Variants in ZNF37A observed in about 807,000 individuals in gnomAD.
The protein encoded by ZNF37A is zinc finger protein 37A.
In ZNF37A, 10 loss-of-function variants were observed where a neutral mutation model predicts 12.3. That is an observed-to-expected ratio of 0.82 (90% CI 0.50 to 1.38). ZNF37A has a LOEUF of 1.38. Ranked by LOEUF, ZNF37A falls within the 40% of genes most tolerant of loss-of-function variation. The probability of loss-of-function intolerance (pLI) is 0.00; values close to 1 mark genes in which losing one functional copy is unlikely to be tolerated. For synonymous variants in ZNF37A, 207 were observed against 223.0 expected (o/e 0.93, Z 0.64); for missense variants, 580 against 651.2 (o/e 0.89, Z 1.19).
At chr10:38,100,681 A>C (rs1177789933) in intron 5 of ZNF37A, among the ~76,000 whole-genome samples, 3 of 152,146 alleles carry the variant, frequency 2.0e-5, no homozygotes, top group Non-Finnish European at 2.9e-5. Context: ...TATTTGTGCA[A>C]ACACACAAGC....
Position 38,117,980 on chromosome 10 carries a change from G to A in ZNF37A, c.829G>A (p.Gly277Arg). The change falls in exon 8 of 8, where the codon GGA (glycine) becomes AGA (arginine). Residue 277 changes from glycine (G) to arginine (R), a missense_variant. Transcript: ENST00000685332. ...AAAACCTTATGAATGTCATGAATGT[G>A]GAAAAACCTTCACCCAGAAGTCAGC... ...GEKPYECHECGKTFTQKSAHT... is the reference protein window; with the variant it reads ...GEKPYECHECRKTFTQKSAHT... 6.2e-7 allele frequency: 1 copy of A among 1,613,958 alleles called. No individual in the cohort carries two copies. The highest frequency in any genetic ancestry group is 1.7e-5 in the Admixed American group (1 of 59,976).
At chr10:38,143,531 G>C (rs941544424) in intron 7 of ZNF37A, 1 of 152,248 alleles carries the variant, frequency 6.6e-6, no homozygotes, top group Admixed American at 6.5e-5. Context: ...CTAATTACCT[G>C]TTCTCTCCTG....
At chr10:38,138,770 A>G (rs1360758168) in intron 7 of ZNF37A, 1 of 152,180 alleles carries the variant, frequency 6.6e-6, no homozygotes, top group Non-Finnish European at 1.5e-5. Flanking sequence ...GATGAGCCCT[A>G]GAATTTTAGA....
chr10:38,146,332 AG>A (rs1451332967), intron 7 of ZNF37A, among the ~76,000 whole-genome samples: 3 of 152,140 alleles, frequency 2.0e-5, no homozygotes, highest in African/African-American at 4.8e-5. Flanking sequence ...GCTGGAGTAC[AG>A]TGGCACAATC....
In ZNF37A at chr10:38,118,455, G is replaced by A. The variant is rs756803920; in HGVS notation, c.1304G>A (p.Gly435Asp). The A allele has an allele frequency of 6.2e-7, 1 of 1,614,002 alleles. No individual in the cohort carries two copies. The highest frequency in any genetic ancestry group is 1.1e-5 in the South Asian group (1 of 91,088). The change falls in exon 8 of 8, where the codon GGT (glycine) becomes GAT (aspartate). Residue 435 changes from glycine to aspartate, a missense_variant. Gly to Asp is a moderately conservative substitution (Grantham distance 94). Coordinates refer to ENST00000685332, the MANE Select transcript of ZNF37A (RefSeq NM_001324250.3). Reference sequence around the variant, plus strand: ...ACTAAACATCTAAGAACTCACACAGGTGAGAAACCTTATGAATGTATTCAG... The same window carrying A: ...ACTAAACATCTAAGAACTCACACAGATGAGAAACCTTATGAATGTATTCAG... ...TLTKHLRTHT[G>D]EKPYECIQCG...
chr10:38,103,773 A>G (rs947161853), intron 5 of ZNF37A, among the ~76,000 whole-genome samples: 2 of 152,138 alleles, frequency 1.3e-5, no homozygotes, highest in Non-Finnish European at 2.9e-5. Context: ...TTTGTTGTAC[A>G]TGGTCACTGA....
downstream of ZNF37A, among the ~76,000 whole-genome samples, chr10:38,128,507 C>T (rs1160186159): frequency 6.6e-6 from 1 of 152,076 alleles, no homozygotes; most frequent in East Asian, 1.9e-4. Flanking sequence ...AAATGGTTCC[C>T]TGTTAAAAAG....
In ZNF37A at chr10:38,118,265, G is replaced by A. The variant is rs1174765378; in HGVS notation, c.1114G>A (p.Val372Met). The change falls in exon 8 of 8, where the codon GTG (valine) becomes ATG (methionine). Residue 372 changes from valine (V) to methionine (M), a missense_variant. By Grantham distance (21) the Val-to-Met change is conservative. Transcript: ENST00000685332. ...KTFSFKSVLT[V>M]HQKTHTGEKP... ...CTTCTCATTTAAGTCAGTCCTTACTGTGCATCAGAAAACACACACAGGGGA... is the reference window on the plus strand; with the variant it reads ...CTTCTCATTTAAGTCAGTCCTTACTATGCATCAGAAAACACACACAGGGGA... The A allele has an allele frequency of 6.2e-7, 1 of 1,613,548 alleles. No homozygotes were observed. The highest frequency in any genetic ancestry group is 1.1e-5 in the South Asian group (1 of 91,038).
intron 5 of ZNF37A, among the ~76,000 whole-genome samples, chr10:38,105,474 ATT>A (rs1163235534): frequency 3.9e-5 from 6 of 152,212 alleles, no homozygotes; most frequent in African/African-American, 1.4e-4. Context: ...AAGTCTTCTT[ATT>A]TTTGGAAAAA....
At chr10:38,147,315 A>C (rs1008839095) in exon 8 of ZNF37A, 2 of 152,210 alleles carry the variant, frequency 1.3e-5, no homozygotes, top group African/African-American at 4.8e-5. Flanking sequence ...AATCCTCTGG[A>C]TACCAAGGGA....
Position 38,115,267 on chromosome 10 carries a change from A to G in ZNF37A, c.215A>G (p.Lys72Arg). Residue 72 changes from lysine (K) to arginine (R), a missense_variant, in exon 7 of 8, where the codon AAA (lysine) becomes AGA (arginine). Physicochemically the swap from Lys to Arg is conservative, Grantham distance 26 (BLOSUM62 2). Transcript: ENST00000685332. ...KGEEPWILEE[K>R]FPSQSHLELI... ...GAGGAGCCATGGATATTAGAGGAAA[A>G]ATTTCCAAGCCAGAGTCATCTGGGT... 6.2e-7 allele frequency: 1 copy of G among 1,613,748 alleles called. No individual in the cohort carries two copies. Among genetic ancestry groups the G allele is most frequent in the South Asian group, 1.1e-5 (1 of 91,054 alleles).
rs377471936 is a variant in ZNF37A, at chr10:38,117,647, A to G, written c.496A>G (p.Arg166Gly). Residue 166 changes from arginine to glycine, a missense_variant, in exon 8 of 8, where the codon AGA (arginine) becomes GGA (glycine). By Grantham distance (125) the Arg-to-Gly change is moderately radical. Transcript: ENST00000685332. ...GAATTCACTCTTCCTTGTACATAAGAGAGGTTACACAGGACAGAAAACCTG... is the reference window on the plus strand; with the variant it reads ...GAATTCACTCTTCCTTGTACATAAGGGAGGTTACACAGGACAGAAAACCTG... ...PENSLFLVHK[R>G]GYTGQKTCKY... The G allele has an allele frequency of 2.8e-5, 45 of 1,613,912 alleles. No individual in the cohort carries two copies. The highest frequency in any genetic ancestry group is 3.6e-5 in the Non-Finnish European group (42 of 1,179,994).
Position 38,117,858 on chromosome 10 carries a change from C to T in ZNF37A, c.707C>T (p.Thr236Ile). The T allele has an allele frequency of 1.2e-6, 2 of 1,614,016 alleles. No individual in the cohort carries two copies. The highest frequency in any genetic ancestry group is 1.7e-4 in the Middle Eastern group (1 of 6,060). Residue 236 changes from threonine to isoleucine, a missense_variant, in exon 8 of 8, where the codon ACC becomes ATC. Physicochemically the swap from Thr to Ile is moderately conservative, Grantham distance 89 (BLOSUM62 -1). Transcript: ENST00000685332. The part of the protein sequence containing the change: ...QKLNLTPIQR[T>I]HSINNIIEYN... ...TTAAATCTCACTCCAATTCAGAGAA[C>T]CCACTCAATTAACAATATTATTGAA...
At chr10:38,109,809 A>T (rs1222745918) in intron 5 of ZNF37A, among the ~76,000 whole-genome samples, 2 of 152,238 alleles carry the variant, frequency 1.3e-5, no homozygotes, top group Non-Finnish European at 2.9e-5. Flanking sequence ...CTCTTCAAGA[A>T]GAACTGCAAA....
At chr10:38,129,304 T>TTAAAA (rs1472360432), downstream of ZNF37A, among the ~76,000 whole-genome samples, 26 of 56,914 alleles carry the variant, frequency 4.6e-4, 1 homozygote, top group African/African-American at 1.9e-3. Context: ...AGACTCTGTC[T>TTAAAA]AAAAAAAAAA....
chr10:38,111,307 GAACATCTC>G (rs1486673775), intron 5 of ZNF37A, among the ~76,000 whole-genome samples: 4 of 151,512 alleles, frequency 2.6e-5, no homozygotes, highest in Non-Finnish European at 1.5e-5. Flanking sequence ...CACAGGAGGG[GAACATCTC>G]ATACCAGGGC....
rs2069702377 is a variant in ZNF37A, at chr10:38,121,605, AATG to A, written c.*2773_*2775del. The A allele has an allele frequency of 6.6e-6, 1 of 152,324 alleles. No individual in the cohort carries two copies. Among genetic ancestry groups the A allele is most frequent in the Non-Finnish European group, 1.5e-5 (1 of 68,056 alleles). The allele number at this position is 152,324 out of a possible 1,614,324, so 9.4% of individuals were successfully genotyped here. ...ACACTGAGCAAATAAATATGTTGAGAATGATGACAGCAAGATTTCTCCATTAGA... is the reference window on the plus strand; with the variant it reads ...ACACTGAGCAAATAAATATGTTGAGAATGACAGCAAGATTTCTCCATTAGA... On this transcript the variant is annotated 3_prime_UTR_variant, in exon 8 of 8. Transcript: ENST00000685332.
chr10:38,146,008 G>A (rs1343579667), intron 7 of ZNF37A, among the ~76,000 whole-genome samples: 1 of 152,174 alleles, frequency 6.6e-6, no homozygotes, highest in Non-Finnish European at 1.5e-5. Flanking sequence ...GCTGAGGCAG[G>A]AGAATCACTT....
At chr10:38,098,885 T>C (rs2067347108) in intron 5 of ZNF37A, among the ~76,000 whole-genome samples, 1 of 140,166 alleles carries the variant, frequency 7.1e-6, no homozygotes, top group South Asian at 2.2e-4. Flanking sequence ...TTTTTGACTG[T>C]GCACAACTAA....
Sources: gnomAD v4.1 joint callset for allele counts (sites outside exome capture counted in the v4.1 genomes callset) on GRCh38, gnomAD v4.1.1 for gene constraint, MANE v1.5 for transcripts, NCBI Gene and HGNC (gene_info 2026-07-23, HGNC 2026-07-21) for gene names.